NCAPH: variants seen among roughly 807,000 people sequenced by gnomAD.
NCAPH encodes the protein condensin complex subunit 2.
In NCAPH, 38 loss-of-function variants were observed where a neutral mutation model predicts 85.5. That is an observed-to-expected ratio of 0.44 (90% CI 0.34 to 0.58). The LOEUF is 0.58. Ranked by LOEUF, NCAPH falls within the 20% of genes least tolerant of loss-of-function variation. The probability of loss-of-function intolerance (pLI) is 0.01; values close to 1 mark genes in which losing one functional copy is unlikely to be tolerated. For missense variants in NCAPH, 789 were observed against 916.6 expected, an observed-to-expected ratio of 0.86 and a Z score of 1.80; for synonymous variants, 301 against 335.1, an observed-to-expected ratio of 0.90 and a Z score of 1.11.
chr2:96,376,190 C>T lies in NCAPH; in HGVS notation c.*2839C>T, dbSNP rs1217234190. Among the ~76,000 whole-genome samples, 1 of 152,174 alleles carries T rather than the reference C, an allele frequency of 6.6e-6. No individual in the cohort carries two copies. The highest frequency in any genetic ancestry group is 1.5e-5 in the Non-Finnish European group (1 of 68,038). ...CCTGAGATAAGAGCGTATACCATGTCCATAACTGAAGTTTTAACATTCTCT... is the reference window on the plus strand; with the variant it reads ...CCTGAGATAAGAGCGTATACCATGTTCATAACTGAAGTTTTAACATTCTCT... On this transcript the variant is annotated 3_prime_UTR_variant, in exon 18 of 18. Coordinates refer to ENST00000240423, the MANE Select transcript of NCAPH (RefSeq NM_015341.5).
Position 96,365,991 on chromosome 2 carries a change from C to G in NCAPH, c.1814C>G (p.Thr605Ser), listed in dbSNP as rs1573094519. Residue 605 changes from threonine (T) to serine (S), a missense_variant, in exon 14 of 18, where the codon ACT becomes AGT. By Grantham distance (58) the Thr-to-Ser change is moderately conservative (BLOSUM62 1). Transcript: ENST00000240423. Reference protein sequence around the residue: ...PPKTAQQNGDTPEAQGLDITT... With the variant: ...PPKTAQQNGDSPEAQGLDITT... ...AAGACAGCACAACAGAATGGTGACA[C>G]TCCAGAAGCCCAAGGATTAGACATC... The G allele has an allele frequency of 6.2e-7, 1 of 1,614,208 alleles. No homozygotes were observed. Among genetic ancestry groups the G allele is most frequent in the South Asian group, 1.1e-5 (1 of 91,086 alleles).
At chr2:96,369,119 C>T (rs1037061328) in intron 16 of NCAPH, 56 bp downstream of exon 16, 48 of 1,487,726 alleles carry the variant, frequency 3.2e-5, no homozygotes, top group Non-Finnish European at 4.3e-5. Flanking sequence ...GAGCTGTCCG[C>T]GTGGCAGGCC....
intron 17 of NCAPH, among the ~76,000 whole-genome samples, chr2:96,371,430 G>A (rs776439219): frequency 2.5e-4 from 38 of 152,166 alleles, no homozygotes; most frequent in African/African-American, 6.0e-4. Flanking sequence ...TTGAGAGAGC[G>A]GCTTCATGGC....
intron 5 of NCAPH, 83 bp downstream of exon 5, chr2:96,343,387 C>A: frequency 6.9e-7 from 1 of 1,447,764 alleles, no homozygotes; most frequent in South Asian, 1.6e-5. Context: ...AGAAGAAGGT[C>A]ACAAGAAATA....
In NCAPH at chr2:96,361,816, ATATATATATATATT is replaced by A. The variant is rs2064623642; in HGVS notation, c.1587+1108_1587+1121del. On this transcript the variant is annotated intron_variant, in intron 12 of 17. Coordinates refer to ENST00000240423, the MANE Select transcript of NCAPH (RefSeq NM_015341.5). ...TATGTATATATATGTGTATATATAT[ATATATATATATATT>A]TTTTTTTTTTTTTCCCTGAATTGAC... 7.3e-5 allele frequency among the ~76,000 whole-genome samples: 7 copies of A among 96,534 alleles called. No individual in the cohort carries two copies. The South Asian group carries it at 2.5e-3, about 34-fold the overall frequency. The allele number at this position is 96,534 out of a possible 152,430, so 63.3% of individuals were successfully genotyped here. A position where few individuals can be genotyped will look rare whatever the true frequency, so the allele number is the denominator to read the frequency against.
chr2:96,364,244 C>CAGA (rs1197557490), intron 12 of NCAPH, among the ~76,000 whole-genome samples: 1 of 152,178 alleles, frequency 6.6e-6, no homozygotes, highest in Non-Finnish European at 1.5e-5. Context: ...GCCAGTCACA[C>CAGA]AGAAATAGAG....
At chr2:96,342,963 A>G in intron 4 of NCAPH, 115 bp downstream of exon 4, 3 of 1,153,212 alleles carry the variant, frequency 2.6e-6, no homozygotes, top group South Asian at 2.8e-5. Context: ...TTTAGATGTT[A>G]TGTTAGTTAA....
Position 96,341,756 on chromosome 2 carries a change from A to G in NCAPH, c.134A>G (p.Asn45Ser). The change falls in exon 2 of 18, where the codon AAT becomes AGT. Residue 45 changes from asparagine to serine, a missense_variant. Coordinates refer to ENST00000240423, the MANE Select transcript of NCAPH (RefSeq NM_015341.5). ...CCCCTGCCCAGGAAGGCGCCTCTCA[A>G]TATTCCTGGCACCCCAGTCCTCGAA... ...PMPLPRKAPLNIPGTPVLEDF... is the reference protein window; with the variant it reads ...PMPLPRKAPLSIPGTPVLEDF... 3.1e-6 allele frequency: 5 copies of G among 1,614,172 alleles called. No individual in the cohort carries two copies. Among genetic ancestry groups the G allele is most frequent in the Non-Finnish European group, 4.2e-6 (5 of 1,180,044 alleles).
In NCAPH at chr2:96,364,497, A is replaced by G. The variant is rs1174461217; in HGVS notation, c.1604A>G (p.Gln535Arg). The part of the protein sequence containing the change: ...KPGTRLLKMA[Q>R]GHRVETEHYE... ...TTCCTTTAGTTACTTAAGATGGCCC[A>G]GGGCCATAGGGTAGAGACTGAGCAT... The change falls in exon 13 of 18, where the codon CAG becomes CGG. Residue 535 changes from glutamine (Q) to arginine (R), a missense_variant. Coordinates refer to ENST00000240423, the MANE Select transcript of NCAPH (RefSeq NM_015341.5). 1 of 1,608,176 alleles carries G rather than the reference A, an allele frequency of 6.2e-7. No individual in the cohort carries two copies. The highest frequency in any genetic ancestry group is 8.5e-7 in the Non-Finnish European group (1 of 1,174,888).
At chr2:96,352,147 A>G (rs2064453070) in intron 7 of NCAPH, 127 bp downstream of exon 7, 2 of 968,640 alleles carry the variant, frequency 2.1e-6, no homozygotes, top group African/African-American at 1.6e-5. Flanking sequence ...TTCCTCTGGA[A>G]TGCCAAATTG....
rs2064810066 is a variant in NCAPH at position 96,374,349 on chromosome 2, GCA to G, written c.*1007_*1008del. ...GATTTGTCCATCTCCACAGAATGCAGCACACACACAAATGTACAAGTTCTTCC... is the reference window on the plus strand; with the variant it reads ...GATTTGTCCATCTCCACAGAATGCAGCACACACAAATGTACAAGTTCTTCC... On this transcript the variant is annotated 3_prime_UTR_variant, in exon 18 of 18. Coordinates refer to ENST00000240423, the MANE Select transcript of NCAPH (RefSeq NM_015341.5). Among the ~76,000 whole-genome samples the G allele has an allele frequency of 6.6e-6, 1 of 152,290 alleles. No individual in the cohort carries two copies. Among genetic ancestry groups the G allele is most frequent in the South Asian group, 2.1e-4 (1 of 4,828 alleles).
intron 10 of NCAPH, 96 bp from the exon 11 acceptor site, chr2:96,360,047 T>C (rs1297573271): frequency 1.4e-6 from 1 of 733,502 alleles, no homozygotes; most frequent in Admixed American, 2.5e-5. Context: ...CTTGTGGTTT[T>C]GATAAGCCTT....
intron 17 of NCAPH, among the ~76,000 whole-genome samples, chr2:96,370,766 T>C (rs888289632): frequency 6.6e-6 from 1 of 152,214 alleles, no homozygotes; most frequent in Non-Finnish European, 1.5e-5. Context: ...GTGCTGACCA[T>C]TGGGCTTGTA....
intron 12 of NCAPH, among the ~76,000 whole-genome samples, chr2:96,361,783 C>CAT (rs1558800220): frequency 1.8e-5 from 2 of 113,212 alleles, no homozygotes; most frequent in African/African-American, 7.1e-5. Flanking sequence ...TATATATATA[C>CAT]ACATATATAT....
At chr2:96,369,605 A>G (rs1277442116) in intron 17 of NCAPH, 105 bp downstream of exon 17, 1 of 1,207,580 alleles carries the variant, frequency 8.3e-7, no homozygotes, top group Non-Finnish European at 1.2e-6. Flanking sequence ...GATTTCTTAA[A>G]TACAGTGACT....
At chr2:96,342,233 G>T (rs2064305917) in intron 3 of NCAPH, 93 bp downstream of exon 3, 1 of 1,164,012 alleles carries the variant, frequency 8.6e-7, no homozygotes, top group Admixed American at 1.8e-5. Flanking sequence ...CACAATCAAT[G>T]ATGATAATTC....
chr2:96,345,825 C>T (rs941798598), intron 6 of NCAPH, among the ~76,000 whole-genome samples: 6 of 152,090 alleles, frequency 3.9e-5, no homozygotes, highest in Non-Finnish European at 5.9e-5. Flanking sequence ...TACAGAGATT[C>T]GTATTACTGT....
chr2:96,367,453 AT>A lies in NCAPH; in HGVS notation c.1998+83del, dbSNP rs2064716144. On this transcript the variant is annotated intron_variant, in intron 15 of 17. Coordinates refer to ENST00000240423, the MANE Select transcript of NCAPH (RefSeq NM_015341.5). Reference sequence around the variant, plus strand: ...GATGTCTACAGCTGAAGACACCTCGATTTGGGCAATGCCTCCAATACAGAAA... The same window carrying A: ...GATGTCTACAGCTGAAGACACCTCGATTGGGCAATGCCTCCAATACAGAAA... 4.1e-6 allele frequency: 4 copies of A among 971,114 alleles called. No homozygotes were observed. In the Admixed American group the frequency reaches 8.0e-5, roughly 19 times the overall value. The allele number at this position is 971,114 out of a possible 1,614,324, so 60.2% of individuals were successfully genotyped here. A position where few individuals can be genotyped will look rare whatever the true frequency, so the allele number is the denominator to read the frequency against.
In NCAPH at chr2:96,343,146, AGC is replaced by A; in HGVS notation, c.457-19_457-18del. The A allele has an allele frequency of 6.2e-7, 1 of 1,613,286 alleles. No individual in the cohort carries two copies. Among genetic ancestry groups the A allele is most frequent in the Non-Finnish European group, 8.5e-7 (1 of 1,179,776 alleles). Reference sequence around the variant, plus strand: ...GTTTTTTGTGTATCTTTGTGAGTGCAGCTCTGATTGTTTGACTAGGTGGCTGC... The same window carrying A: ...GTTTTTTGTGTATCTTTGTGAGTGCATCTGATTGTTTGACTAGGTGGCTGC... On this transcript the variant is annotated intron_variant, in intron 4 of 17. Coordinates refer to ENST00000240423, the MANE Select transcript of NCAPH (RefSeq NM_015341.5).
Sources: gnomAD v4.1 joint callset for allele counts (sites outside exome capture counted in the v4.1 genomes callset) on GRCh38, gnomAD v4.1.1 for gene constraint, MANE v1.5 for transcripts, NCBI Gene and HGNC (gene_info 2026-07-23, HGNC 2026-07-21) for gene names.